Variants in NELL1 observed in about 807,000 individuals in gnomAD.
NELL1 encodes protein kinase C-binding protein NELL1.
Under a neutral mutation model 107.4 loss-of-function variants are expected in NELL1, and 76 were observed. The ratio of observed to expected loss-of-function variants is 0.71; its 90% CI spans 0.59 to 0.86. The LOEUF is 0.86. NELL1 is among the 40% of genes least tolerant of loss of function. The pLI is 0.00. For synonymous variants in NELL1, 353 were observed against 341.2 expected (o/e 1.03, Z -0.38); for missense variants, 1,024 against 1,005.5 (o/e 1.02, Z -0.25).
At chr11:21,523,905 A>G (rs925039784) in intron 15 of NELL1, among the ~76,000 whole-genome samples, 3 of 152,084 alleles carry the variant, frequency 2.0e-5, no homozygotes, top group Non-Finnish European at 4.4e-5. Context: ...GTATATATAT[A>G]TGAGAACATA....
chr11:21,096,834 C>T (rs1422503405), intron 12 of NELL1, among the ~76,000 whole-genome samples: 2 of 152,096 alleles, frequency 1.3e-5, no homozygotes, highest in Non-Finnish European at 2.9e-5. Flanking sequence ...CCTCAGCCTC[C>T]TAGGTAGCTG....
chr11:20,763,820 C>T (rs1203172122), intron 2 of NELL1, among the ~76,000 whole-genome samples: 2 of 152,106 alleles, frequency 1.3e-5, no homozygotes, highest in African/African-American at 4.8e-5. Flanking sequence ...CCTGGAAGGG[C>T]AGGAATGGAG....
chr11:21,420,587 G>A (rs1025452703), intron 15 of NELL1, among the ~76,000 whole-genome samples: 5 of 152,096 alleles, frequency 3.3e-5, no homozygotes, highest in Non-Finnish European at 5.9e-5. Flanking sequence ...ATGAGATCAA[G>A]TATAGGAACG....
intron 15 of NELL1, among the ~76,000 whole-genome samples, chr11:21,374,465 GAGAA>G (rs369583890): frequency 0.016 from 2,405 of 152,090 alleles, 37 homozygotes; most frequent in South Asian, 0.088. Flanking sequence ...GTCAAGTGAT[GAGAA>G]AGAGAGTGAA....
At chr11:21,391,132 G>A (rs1433413081) in intron 15 of NELL1, among the ~76,000 whole-genome samples, 1 of 151,692 alleles carries the variant, frequency 6.6e-6, no homozygotes, top group Non-Finnish European at 1.5e-5. Flanking sequence ...GTTTGAACGG[G>A]TATAGAATTC....
intron 3 of NELL1, among the ~76,000 whole-genome samples, chr11:20,793,275 T>C (rs183563656): frequency 2.0e-5 from 3 of 152,166 alleles, no homozygotes; most frequent in East Asian, 1.9e-4. Flanking sequence ...TTCATTGATA[T>C]TGGGATTTTT....
intron 14 of NELL1, among the ~76,000 whole-genome samples, chr11:21,338,175 G>A (rs1045218760): frequency 1.2e-4 from 19 of 152,170 alleles, no homozygotes; most frequent in Middle Eastern, 3.4e-3. Flanking sequence ...ATAAAATGCC[G>A]GTGTCATGCA....
chr11:20,949,404 T>C (rs572476627), intron 11 of NELL1, among the ~76,000 whole-genome samples: 1 of 152,304 alleles, frequency 6.6e-6, no homozygotes, highest in East Asian at 1.9e-4. Flanking sequence ...CTGCAGCTGG[T>C]ATGTTTTGGA....
intron 13 of NELL1, among the ~76,000 whole-genome samples, chr11:21,213,014 A>G (rs997140643): frequency 1.8e-4 from 27 of 152,220 alleles, no homozygotes; most frequent in African/African-American, 6.3e-4. Flanking sequence ...CAAAGTCTCA[A>G]GTTACAAGAT....
intron 15 of NELL1, among the ~76,000 whole-genome samples, chr11:21,494,591 T>C (rs1447253562): frequency 6.6e-6 from 1 of 151,978 alleles, no homozygotes; most frequent in Non-Finnish European, 1.5e-5. Context: ...GGGAAATATA[T>C]ATGTGCGTGA....
intron 2 of NELL1, among the ~76,000 whole-genome samples, chr11:20,744,119 C>A (rs944367041): frequency 6.6e-6 from 1 of 152,174 alleles, no homozygotes; most frequent in African/African-American, 2.4e-5. Context: ...TTATTCCAAG[C>A]TACTATCATT....
At chr11:21,514,936 G>T (rs1033236123) in intron 15 of NELL1, among the ~76,000 whole-genome samples, 9 of 152,144 alleles carry the variant, frequency 5.9e-5, no homozygotes, top group African/African-American at 2.2e-4. Flanking sequence ...TGATACTAAT[G>T]GTCACAGCGA....
intron 2 of NELL1, among the ~76,000 whole-genome samples, chr11:20,708,244 A>G (rs1442238439): frequency 1.3e-5 from 2 of 152,192 alleles, no homozygotes; most frequent in Non-Finnish European, 2.9e-5. Context: ...ACCATCTGTC[A>G]TGGCTTCCCT....
chr11:20,718,105 G>A (rs1245066491), intron 2 of NELL1, among the ~76,000 whole-genome samples: 2 of 152,142 alleles, frequency 1.3e-5, no homozygotes, highest in African/African-American at 4.8e-5. Flanking sequence ...GGAGAGGGTT[G>A]AATTAAATAA....
chr11:21,260,740 T>C (rs1848511417), intron 14 of NELL1: 1 of 151,900 alleles, frequency 6.6e-6, no homozygotes, highest in Admixed American at 6.6e-5. Context: ...CTCTCCTTTT[T>C]TCTTGGCATA....
At chr11:21,236,679 C>G (rs1190910501) in intron 14 of NELL1, among the ~76,000 whole-genome samples, 1 of 152,114 alleles carries the variant, frequency 6.6e-6, no homozygotes, top group Non-Finnish European at 1.5e-5. Context: ...CTAAGTCTAG[C>G]TTCCTTTTTG....
At chr11:21,325,793 C>T (rs1850118855) in intron 14 of NELL1, among the ~76,000 whole-genome samples, 1 of 151,894 alleles carries the variant, frequency 6.6e-6, no homozygotes, top group Admixed American at 6.6e-5. Context: ...AATCACTGTC[C>T]ATCAATTCTC....
intron 13 of NELL1, among the ~76,000 whole-genome samples, chr11:21,216,422 G>T (rs1037883143): frequency 1.3e-5 from 2 of 152,128 alleles, no homozygotes; most frequent in Non-Finnish European, 2.9e-5. Context: ...TCCCAGAATG[G>T]TAGATCCACT....
chr11:20,976,743 A>C (rs1374087294), intron 12 of NELL1, among the ~76,000 whole-genome samples: 1 of 152,172 alleles, frequency 6.6e-6, no homozygotes, highest in African/African-American at 2.4e-5. Flanking sequence ...ATTTTCAAAA[A>C]TGCTCCTTAA....
Sources: gnomAD v4.1 joint callset for allele counts (sites outside exome capture counted in the v4.1 genomes callset) on GRCh38, gnomAD v4.1.1 for gene constraint, MANE v1.5 for transcripts, NCBI Gene and HGNC (gene_info 2026-07-23, HGNC 2026-07-21) for gene names.